Variants in FAM117B observed in about 807,000 individuals in gnomAD.
The protein encoded by FAM117B is family with sequence similarity 117 member B, also known as protein FAM117B.
Under a neutral mutation model 52.8 loss-of-function variants are expected in FAM117B, and 22 were observed. That is an observed-to-expected ratio of 0.42 (90% confidence interval 0.30 to 0.59). The LOEUF is 0.59. Ranked by LOEUF, FAM117B falls within the 20% of genes least tolerant of loss-of-function variation. The pLI is 0.22. For missense variants in FAM117B, 678 were observed against 802.6 expected, an observed-to-expected ratio of 0.84 and a Z score of 1.88; for synonymous variants, 309 against 324.1, an observed-to-expected ratio of 0.95 and a Z score of 0.50.
Position 202,635,606 on chromosome 2 carries a change from C to G in FAM117B, c.419C>G (p.Pro140Arg). 8.0e-7 allele frequency: 1 copy of G among 1,246,594 alleles called. No homozygotes were observed. Among genetic ancestry groups the G allele is most frequent in the Admixed American group, 4.3e-5 (1 of 23,158 alleles). 77.2% of individuals were successfully genotyped at this position (1,246,594 alleles called of 1,614,324 possible). Residue 140 changes from proline to arginine, a missense_variant, in exon 1 of 8, where the codon CCG (proline) becomes CGG (arginine). Around this residue, in one of 3 missense-constraint regions of FAM117B, gnomAD observed 583 missense variants for 644.8 expected, o/e 0.90. Transcript: ENST00000392238. ...APGARGSPPR[P>R]PPPPPLLGTV... ...GGAGCTCGCGGGAGCCCCCCACGGCCGCCGCCGCCGCCGCCGCTGCTGGGC... is the reference window on the plus strand; with the variant it reads ...GGAGCTCGCGGGAGCCCCCCACGGCGGCCGCCGCCGCCGCCGCTGCTGGGC...
chr2:202,679,467 A>G (rs1690429687), intron 1 of FAM117B, among the ~76,000 whole-genome samples: 2 of 152,354 alleles, frequency 1.3e-5, no homozygotes, highest in South Asian at 4.1e-4. Flanking sequence ...GAAGGAATAT[A>G]TAGAATGTGT....
At chr2:202,733,938 T>G (rs1415435950) in intron 4 of FAM117B, among the ~76,000 whole-genome samples, 1 of 152,214 alleles carries the variant, frequency 6.6e-6, no homozygotes, top group Non-Finnish European at 1.5e-5. Flanking sequence ...CCATGAAATC[T>G]TCACAATTTA....
chr2:202,696,334 A>G (rs943982310), intron 2 of FAM117B, among the ~76,000 whole-genome samples: 6 of 152,288 alleles, frequency 3.9e-5, no homozygotes, highest in East Asian at 1.9e-4. Flanking sequence ...GGGGTGTCCA[A>G]TCTTTTGTCT....
chr2:202,702,543 G>T (rs911047669), intron 2 of FAM117B, among the ~76,000 whole-genome samples: 1 of 152,176 alleles, frequency 6.6e-6, no homozygotes, highest in African/African-American at 2.4e-5. Context: ...ACTTATTGAA[G>T]GCTCAGATGA....
Position 202,743,663 on chromosome 2 carries a change from A to G in FAM117B, c.961-11875A>G, listed in dbSNP as rs560839537. On this transcript the variant is annotated intron_variant, in intron 4 of 7. Transcript: ENST00000392238. Reference sequence around the variant, plus strand: ...AGAATCAGGAAAATAATTTATTTGAATGAGTAATTGAATAAAAGAGATAGA... The same window carrying G: ...AGAATCAGGAAAATAATTTATTTGAGTGAGTAATTGAATAAAAGAGATAGA... Among the ~76,000 whole-genome samples, 12 of 152,322 alleles carry G rather than the reference A, an allele frequency of 7.9e-5. No homozygotes were observed. In the South Asian group the frequency reaches 8.3e-4, roughly 11 times the overall value.
intron 1 of FAM117B, among the ~76,000 whole-genome samples, chr2:202,643,084 G>T (rs1689794667): frequency 6.6e-6 from 1 of 152,128 alleles, no homozygotes; most frequent in South Asian, 2.1e-4. Flanking sequence ...AAGCATGTTG[G>T]GGGCACAAAT....
chr2:202,735,961 G>A (rs998037728), intron 4 of FAM117B, among the ~76,000 whole-genome samples: 2 of 152,088 alleles, frequency 1.3e-5, no homozygotes, highest in African/African-American at 4.8e-5. Context: ...AAGTGTGTGG[G>A]TGTTTTGTGG....
chr2:202,755,827 G>A (rs775789659), intron 5 of FAM117B, 146 bp downstream of exon 5: 1 of 782,956 alleles, frequency 1.3e-6, no homozygotes. Flanking sequence ...TGACCTGGGT[G>A]AGTGAATGAA....
chr2:202,646,369 A>G (rs1689863992), intron 1 of FAM117B, among the ~76,000 whole-genome samples: 1 of 152,244 alleles, frequency 6.6e-6, no homozygotes, highest in South Asian at 2.1e-4. Context: ...TTCTGTGTTT[A>G]GATCAGGCTG....
Position 202,653,138 on chromosome 2 carries a change from C to G in FAM117B, c.601+17350C>G, listed in dbSNP as rs188703804. Among the ~76,000 whole-genome samples the G allele has an allele frequency of 9.1e-4, 139 of 152,154 alleles. 1 individual carries two copies. Among genetic ancestry groups the G allele is most frequent in the Admixed American group, 7.1e-3 (109 of 15,266 alleles). On this transcript the variant is annotated intron_variant, in intron 1 of 7. Coordinates refer to ENST00000392238, the MANE Select transcript of FAM117B (RefSeq NM_173511.4). ...GAAAAATTAGCTAGATGAGGTGGCA[C>G]ACACCTGTAGTCCCAGCTGCTTAGG...
chr2:202,673,345 CCT>C (rs1051093496), intron 1 of FAM117B, among the ~76,000 whole-genome samples: 8 of 150,432 alleles, frequency 5.3e-5, no homozygotes, highest in African/African-American at 2.0e-4. Flanking sequence ...TTAAGTAGTT[CCT>C]CTTACTGTTT....
At chr2:202,690,625 T>G (rs1215389969) in intron 1 of FAM117B, among the ~76,000 whole-genome samples, 2 of 152,098 alleles carry the variant, frequency 1.3e-5, no homozygotes, top group South Asian at 4.1e-4. Flanking sequence ...GAAAGGGATA[T>G]AAGGGTAGAG....
At chr2:202,761,079 G>A (rs1691879696) in intron 7 of FAM117B, among the ~76,000 whole-genome samples, 1 of 152,132 alleles carries the variant, frequency 6.6e-6, no homozygotes, top group South Asian at 2.1e-4. Flanking sequence ...GCTAGTTTTT[G>A]TAGAGATGGG....
chr2:202,765,727 T>G lies in FAM117B; in HGVS notation c.1733T>G (p.Leu578Arg). The change falls in exon 8 of 8, where the codon CTC becomes CGC. Residue 578 changes from leucine (L) to arginine (R), a missense_variant. Physicochemically the swap from Leu to Arg is moderately radical, Grantham distance 102. This residue lies in a region of FAM117B where 68 missense variants were observed against 80.6 expected (regional missense o/e 0.84). Transcript: ENST00000392238. Reference protein sequence around the residue: ...TSTVMPSASLLPPPEPIEEAE... With the variant: ...TSTVMPSASLRPPPEPIEEAE... ...ACAGTCATGCCATCAGCTTCTCTAC[T>G]CCCACCACCAGAACCAATTGAGGAA... 3.7e-6 allele frequency: 6 copies of G among 1,614,068 alleles called. No homozygotes were observed. The South Asian group carries it at 6.6e-5, about 18-fold the overall frequency.
intron 1 of FAM117B, among the ~76,000 whole-genome samples, chr2:202,670,283 TC>T (rs1226956720): frequency 1.3e-5 from 2 of 150,770 alleles, no homozygotes; most frequent in African/African-American, 5.0e-5. Flanking sequence ...TTTTTTCTTT[TC>T]TTTCTTTTTT....
At chr2:202,655,707 T>TGAGAGAGAGAGAGA (rs60423652) in intron 1 of FAM117B, among the ~76,000 whole-genome samples, 3 of 98,836 alleles carry the variant, frequency 3.0e-5, no homozygotes, top group Admixed American at 1.1e-4. Flanking sequence ...GGGAAGAGAG[T>TGAGAGAGAGAGAGA]GAGAGAGAGA....
At chr2:202,643,479 A>G (rs575504579) in intron 1 of FAM117B, among the ~76,000 whole-genome samples, 18 of 152,334 alleles carry the variant, frequency 1.2e-4, no homozygotes, top group Admixed American at 3.9e-4. Flanking sequence ...TTCCTTTTCC[A>G]AACTACTTGA....
chr2:202,690,953 T>C (rs1270613647), intron 1 of FAM117B, among the ~76,000 whole-genome samples: 1 of 151,458 alleles, frequency 6.6e-6, no homozygotes, highest in Non-Finnish European at 1.5e-5. Context: ...ATGTAGACTG[T>C]GTTCTTTATT....
chr2:202,730,989 A>G (rs1180116630), intron 4 of FAM117B, among the ~76,000 whole-genome samples: 1 of 152,190 alleles, frequency 6.6e-6, no homozygotes, highest in Non-Finnish European at 1.5e-5. Flanking sequence ...CACAAATCAT[A>G]TATCTGATAA....
Sources: gnomAD v4.1 joint callset for allele counts (sites outside exome capture counted in the v4.1 genomes callset) on GRCh38, gnomAD v4.1.1 for gene constraint, gnomAD v4.1.1 regional missense constraint, MANE v1.5 for transcripts, NCBI Gene and HGNC (gene_info 2026-07-23, HGNC 2026-07-21) for gene names.